The following MAF variants were observed in gnomAD, a reference collection of about 807,000 sequenced individuals.
MAF encodes MAF bZIP transcription factor, also known as transcription factor Maf.
MAF carries 10 observed loss-of-function variants against 22.0 expected under a neutral mutation model. That is an observed-to-expected ratio of 0.45 (90% confidence interval 0.28 to 0.77). MAF has a LOEUF of 0.77. MAF is among the 30% of genes least tolerant of loss of function. MAF has a pLI of 0.12. For missense variants in MAF, 544 were observed against 548.4 expected (o/e 0.99, Z 0.08); for synonymous variants, 337 against 255.8 (o/e 1.32, Z -3.03).
rs529173060 is a variant in MAF at position 79,599,450 on chromosome 16, G to T, written c.453C>A (p.Gly151=). ...AAGAGAGASL[G]GSGEEMGPAA... is the part of the protein sequence containing the mutation. Reference sequence around the variant, plus strand: ...CGGGGCCCATCTCCTCGCCGCTGCCGCCCAAGGAGGCGCCGGCACCGGCCC... The same window carrying T: ...CGGGGCCCATCTCCTCGCCGCTGCCTCCCAAGGAGGCGCCGGCACCGGCCC... Residue 151 remains glycine, a synonymous_variant, in exon 1 of 2, where the codon GGC becomes GGA. Coordinates refer to ENST00000326043, the MANE Select transcript of MAF (RefSeq NM_005360.5). The T allele has an allele frequency of 9.1e-4, 1,186 of 1,299,112 alleles. 7 individuals are homozygous for T. In the African/African-American group the frequency reaches 0.017, roughly 19 times the overall value. The allele number at this position is 1,299,112 out of a possible 1,614,324, so 80.5% of individuals were successfully genotyped here.
At chr16:79,491,956 A>G in the MAF span, among the ~76,000 whole-genome samples, 2 of 152,172 alleles carry the variant, frequency 1.3e-5, no homozygotes, top group Admixed American at 6.5e-5. Context: ...CTTCTTTTCT[A>G]CGTACCCGGA....
At chr16:79,448,530 A>G in the MAF span, among the ~76,000 whole-genome samples, 1 of 152,082 alleles carries the variant, frequency 6.6e-6, no homozygotes, top group South Asian at 2.1e-4. Flanking sequence ...GGTCCAGGCA[A>G]TTATCCTGTC....
the MAF span, among the ~76,000 whole-genome samples, chr16:79,268,699 G>C: frequency 6.6e-6 from 1 of 152,148 alleles, no homozygotes; most frequent in Admixed American, 6.5e-5. Context: ...AACTACCCAA[G>C]AAACATTGCA....
chr16:79,407,728 G>A, the MAF span, among the ~76,000 whole-genome samples: 1 of 151,850 alleles, frequency 6.6e-6, no homozygotes, highest in African/African-American at 2.4e-5. Flanking sequence ...TTATAAAAAT[G>A]GAACAAGCAC....
At chr16:79,581,098 C>T (rs918123862), downstream of MAF, among the ~76,000 whole-genome samples, 1 of 152,090 alleles carries the variant, frequency 6.6e-6, no homozygotes, top group Non-Finnish European at 1.5e-5. Flanking sequence ...GATTTCAACA[C>T]TATTAAATGT....
At chr16:79,419,501 T>C in the MAF span, among the ~76,000 whole-genome samples, 5 of 152,214 alleles carry the variant, frequency 3.3e-5, no homozygotes, top group Non-Finnish European at 5.9e-5. Flanking sequence ...AGGGAGCTTA[T>C]TGATGAGCCT....
chr16:79,207,771 A>T, the MAF span, among the ~76,000 whole-genome samples: 6 of 143,714 alleles, frequency 4.2e-5, no homozygotes, highest in Admixed American at 4.2e-4. Flanking sequence ...TGCATTACAA[A>T]TATCAATATG....
At chr16:79,301,254 G>A in the MAF span, among the ~76,000 whole-genome samples, 1 of 152,144 alleles carries the variant, frequency 6.6e-6, no homozygotes, top group African/African-American at 2.4e-5. Context: ...GAAGCGTTTG[G>A]TGTTTGAATG....
At chr16:79,408,078 CAAAAA>C in the MAF span, among the ~76,000 whole-genome samples, 6 of 81,556 alleles carry the variant, frequency 7.4e-5, no homozygotes, top group East Asian at 4.7e-4. Context: ...TTTTACCTTT[CAAAAA>C]AAAAAAAAAA....
chr16:79,211,139 G>A, the MAF span, among the ~76,000 whole-genome samples: 3 of 151,978 alleles, frequency 2.0e-5, no homozygotes, highest in East Asian at 5.8e-4. Context: ...TCTGGCAGCA[G>A]CCCCACTTGG....
At chr16:79,243,967 A>C in the MAF span, among the ~76,000 whole-genome samples, 1 of 152,090 alleles carries the variant, frequency 6.6e-6, no homozygotes, top group African/African-American at 2.4e-5. Context: ...GAAAAAAACC[A>C]CGTGTTTATC....
the MAF span, among the ~76,000 whole-genome samples, chr16:79,310,191 G>A: frequency 6.6e-6 from 1 of 152,144 alleles, no homozygotes; most frequent in Non-Finnish European, 1.5e-5. Context: ...TTGTGCATGA[G>A]GTCAATCCCT....
chr16:79,335,568 G>T, the MAF span, among the ~76,000 whole-genome samples: 2 of 152,172 alleles, frequency 1.3e-5, no homozygotes, highest in Admixed American at 6.5e-5. Context: ...CCAGAGGCAG[G>T]TCGGGGGTCA....
the MAF span, among the ~76,000 whole-genome samples, chr16:79,523,619 A>T: frequency 6.6e-6 from 1 of 152,214 alleles, no homozygotes; most frequent in Non-Finnish European, 1.5e-5. Flanking sequence ...GTACACGAAG[A>T]ATTGCAAGGC....
At chr16:79,537,070 G>C in the MAF span, among the ~76,000 whole-genome samples, 1 of 152,166 alleles carries the variant, frequency 6.6e-6, no homozygotes, top group Non-Finnish European at 1.5e-5. Context: ...CATGTACCCA[G>C]AAGCTCACAA....
the MAF span, among the ~76,000 whole-genome samples, chr16:79,538,034 A>G: frequency 1.3e-5 from 2 of 152,258 alleles, no homozygotes; most frequent in Admixed American, 1.3e-4. Flanking sequence ...GTCTGGCTGC[A>G]GAGTGCAGAG....
the MAF span, among the ~76,000 whole-genome samples, chr16:79,352,010 C>G: frequency 1.3e-5 from 2 of 152,134 alleles, no homozygotes; most frequent in Non-Finnish European, 2.9e-5. Context: ...TGACATCTCT[C>G]TTTTTGGCCC....
the MAF span, among the ~76,000 whole-genome samples, chr16:79,486,890 T>C: frequency 6.6e-6 from 1 of 152,180 alleles, no homozygotes; most frequent in Admixed American, 6.5e-5. Flanking sequence ...TTCTGACTTG[T>C]GGAGGTCCCC....
chr16:79,333,399 A>G, the MAF span, among the ~76,000 whole-genome samples: 5 of 152,096 alleles, frequency 3.3e-5, no homozygotes, highest in Admixed American at 1.3e-4. Flanking sequence ...GAGTTCTGTA[A>G]AAAGTCAGTG....
Sources: allele counts gnomAD v4.1 joint callset (sites outside exome capture counted in the v4.1 genomes callset), GRCh38; gene constraint gnomAD v4.1.1; transcripts MANE v1.5; gene names NCBI Gene and HGNC (gene_info 2026-07-23, HGNC 2026-07-21).